UNC13C: variants seen among roughly 807,000 people sequenced by gnomAD.
UNC13C encodes the protein protein unc-13 homolog C.
Under a neutral mutation model 245.4 loss-of-function variants are expected in UNC13C, and 174 were observed. The ratio of observed to expected loss-of-function variants is 0.71; its 90% CI spans 0.63 to 0.80. The LOEUF (loss-of-function observed/expected upper bound fraction) is 0.80. Ranked by LOEUF, UNC13C falls within the 30% of genes least tolerant of loss-of-function variation. The pLI is 0.00. For synonymous variants in UNC13C, 992 were observed against 895.1 expected, an observed-to-expected ratio of 1.11 and a Z score of -1.93; for missense variants, 2,829 against 2,602.9, an observed-to-expected ratio of 1.09 and a Z score of -1.89.
At chr15:54,411,752 T>TA (rs896450612) in intron 18 of UNC13C, among the ~76,000 whole-genome samples, 31 of 152,254 alleles carry the variant, frequency 2.0e-4, no homozygotes, top group Admixed American at 1.8e-3. Flanking sequence ...TCTTTACTTT[T>TA]AAAAAAACAT....
the UNC13C span, among the ~76,000 whole-genome samples, chr15:53,859,340 A>G: frequency 2.6e-5 from 4 of 152,180 alleles, no homozygotes; most frequent in Non-Finnish European, 4.4e-5. Context: ...AAAAATTACA[A>G]ATATGAATGC....
At chr15:54,044,496 T>A (rs576188747) in intron 2 of UNC13C, 1 of 248,770 alleles carries the variant, frequency 4.0e-6, no homozygotes, top group East Asian at 1.2e-4. Context: ...GTTTGAAGAA[T>A]TTCCCAACTG....
intron 1 of UNC13C, among the ~76,000 whole-genome samples, chr15:54,003,989 C>T (rs138234132): frequency 0.013 from 2,016 of 152,194 alleles, 56 homozygotes; most frequent in South Asian, 0.1. Flanking sequence ...CCAGCCTGGG[C>T]GACAGAGTGA....
chr15:54,203,061 C>G (rs1279818613), intron 4 of UNC13C, among the ~76,000 whole-genome samples: 1 of 151,722 alleles, frequency 6.6e-6, no homozygotes, highest in African/African-American at 2.4e-5. Flanking sequence ...AAAAGGCCAA[C>G]AAGCATATGG....
intron 18 of UNC13C, among the ~76,000 whole-genome samples, chr15:54,403,715 C>CAAAAAAAAAAAAAAAAAAAAAAAAAAA: frequency 1.8e-5 from 1 of 56,870 alleles, no homozygotes; most frequent in Non-Finnish European, 3.1e-5. Context: ...GAACCTGTCT[C>CAAAAAAAAAAAAAAAAAAAAAAAAAAA]AAAAAAAAAA....
intron 2 of UNC13C, among the ~76,000 whole-genome samples, chr15:54,075,145 T>C (rs1324956552): frequency 2.0e-5 from 3 of 152,084 alleles, no homozygotes; most frequent in Non-Finnish European, 2.9e-5. Context: ...AGGGTGTATG[T>C]CAATGATTCA....
intron 18 of UNC13C, among the ~76,000 whole-genome samples, chr15:54,414,630 A>G (rs1387576292): frequency 2.6e-5 from 4 of 151,484 alleles, no homozygotes; most frequent in Non-Finnish European, 4.4e-5. Context: ...CTGGGTGAAG[A>G]GTGAGACTCT....
chr15:54,320,986 C>G (rs566992578), intron 13 of UNC13C: 2 of 419,796 alleles, frequency 4.8e-6, no homozygotes, highest in East Asian at 6.5e-5. Context: ...TATCCACTAC[C>G]ACCACAGCTG....
At chr15:54,297,281 A>G (rs1341628655) in intron 11 of UNC13C, among the ~76,000 whole-genome samples, 1 of 152,198 alleles carries the variant, frequency 6.6e-6, no homozygotes, top group African/African-American at 2.4e-5. Context: ...GAATATCTGT[A>G]AGACGCTTGA....
At chr15:54,514,484 A>T (rs1177902629) in intron 24 of UNC13C, among the ~76,000 whole-genome samples, 6 of 152,228 alleles carry the variant, frequency 3.9e-5, no homozygotes, top group Non-Finnish European at 7.3e-5. Context: ...TGATATATGT[A>T]CTTCTTGCTA....
chr15:54,369,131 T>C (rs571890504), intron 17 of UNC13C, among the ~76,000 whole-genome samples: 3 of 152,078 alleles, frequency 2.0e-5, no homozygotes, highest in Non-Finnish European at 4.4e-5. Flanking sequence ...TAAACATCCC[T>C]GTATTTTGAT....
Position 54,051,535 on chromosome 15 carries a change from C to T in UNC13C, c.2983+35649C>T, listed in dbSNP as rs550126241. 1.1e-4 allele frequency among the ~76,000 whole-genome samples: 16 copies of T among 152,200 alleles called. No individual in the cohort carries two copies. In the South Asian group the frequency reaches 3.1e-3, roughly 30 times the overall value. ...AATATAGAGACTTTAGTACATATTT[C>T]AGTATCTGGTAACACTAGCTGCTGA... On this transcript the variant is annotated intron_variant, in intron 2 of 32. Coordinates refer to ENST00000260323, the MANE Select transcript of UNC13C (RefSeq NM_001080534.3).
At chr15:54,008,245 A>G (rs534937418) in intron 1 of UNC13C, among the ~76,000 whole-genome samples, 1 of 152,330 alleles carries the variant, frequency 6.6e-6, no homozygotes, top group Non-Finnish European at 1.5e-5. Flanking sequence ...TTTCTGTTCA[A>G]ATCTGGGGTT....
chr15:54,218,937 T>G (rs996655329), intron 4 of UNC13C, among the ~76,000 whole-genome samples: 1 of 151,804 alleles, frequency 6.6e-6, no homozygotes, highest in South Asian at 2.1e-4. Flanking sequence ...CACTGCTCAA[T>G]GAAATAAAAG....
chr15:54,297,898 A>G lies in UNC13C; in HGVS notation c.4076A>G (p.Tyr1359Cys). 6.2e-7 allele frequency: 1 copy of G among 1,602,922 alleles called. No homozygotes were observed. The highest frequency in any genetic ancestry group is 8.5e-7 in the Non-Finnish European group (1 of 1,173,174). Residue 1359 changes from tyrosine to cysteine, a missense_variant, in exon 12 of 33, where the codon TAT (tyrosine) becomes TGT (cysteine). Transcript: ENST00000260323. ...AAAGGAGAAGAGAAGGTTGCTCCAT[A>G]TCATATTCAATATACATGTTTACAT... ...EIKGEEKVAP[Y>C]HIQYTCLHEN...
intron 13 of UNC13C, among the ~76,000 whole-genome samples, chr15:54,302,427 T>C (rs1356025772): frequency 6.6e-6 from 1 of 152,202 alleles, no homozygotes; most frequent in Non-Finnish European, 1.5e-5. Flanking sequence ...CTTTTAGGTT[T>C]TACATTTAAG....
the UNC13C span, among the ~76,000 whole-genome samples, chr15:53,929,040 T>C: frequency 6.6e-6 from 1 of 152,272 alleles, no homozygotes; most frequent in Non-Finnish European, 1.5e-5. Flanking sequence ...AAGACATACC[T>C]AAGACTGGGT....
chr15:53,938,303 T>C, the UNC13C span, among the ~76,000 whole-genome samples: 1,110 of 152,182 alleles, frequency 7.3e-3, 1 homozygote, highest in Non-Finnish European at 0.012. Flanking sequence ...GGTAAAGGGT[T>C]CAATTCAACA....
At chr15:54,457,458 A>G (rs906966031) in intron 19 of UNC13C, among the ~76,000 whole-genome samples, 6 of 152,132 alleles carry the variant, frequency 3.9e-5, no homozygotes, top group Admixed American at 2.6e-4. Flanking sequence ...ATTGGTACCC[A>G]TTCTTCTTTG....
Sources: gnomAD v4.1 joint callset for allele counts (sites outside exome capture counted in the v4.1 genomes callset) on GRCh38, gnomAD v4.1.1 for gene constraint, MANE v1.5 for transcripts, NCBI Gene and HGNC (gene_info 2026-07-23, HGNC 2026-07-21) for gene names.